The following ARHGAP6 variants were observed in gnomAD, a reference collection of about 807,000 sequenced individuals.
ARHGAP6 encodes rho GTPase-activating protein 6.
In ARHGAP6, 16 loss-of-function variants were observed where a neutral mutation model predicts 55.7. That is an observed-to-expected ratio of 0.29 (90% CI 0.19 to 0.44). The LOEUF (loss-of-function observed/expected upper bound fraction) is 0.44. Among genes scored for constraint, ARHGAP6 ranks in the 20% least tolerant of loss-of-function variants. The probability of loss-of-function intolerance (pLI) is 1.00; values close to 1 mark genes in which losing one functional copy is unlikely to be tolerated. For missense variants in ARHGAP6, 698 were observed against 808.9 expected, an observed-to-expected ratio of 0.86 and a Z score of 1.66; for synonymous variants, 382 against 360.9, an observed-to-expected ratio of 1.06 and a Z score of -0.66.
chrX:11,430,309 T>C (rs2049928885), intron 1 of ARHGAP6, among the ~76,000 whole-genome samples: 1 of 112,822 alleles, frequency 8.9e-6, no homozygotes, highest in Non-Finnish European at 1.9e-5. Flanking sequence ...ACTTCTGCCT[T>C]CTAGCATTAT....
In ARHGAP6 at chrX:11,582,243, T is replaced by C. The variant is rs376144456; in HGVS notation, c.588+81998A>G. ...ACCCAGGGAGTCTGAGAGCAGAAGC[T>C]GCACACAATCTCTCTGTCTTTGGAG... On this transcript the variant is annotated intron_variant, in intron 1 of 12. Coordinates refer to ENST00000337414, the MANE Select transcript of ARHGAP6 (RefSeq NM_013427.3). Among the ~76,000 whole-genome samples, 26 of 111,417 alleles carry C rather than the reference T, an allele frequency of 2.3e-4. No individual in the cohort carries two copies. In the East Asian group the frequency reaches 6.2e-3, roughly 27 times the overall value.
intron 1 of ARHGAP6, among the ~76,000 whole-genome samples, chrX:11,474,968 C>A (rs2050388960): frequency 9.0e-6 from 1 of 111,149 alleles, no homozygotes; most frequent in Non-Finnish European, 1.9e-5. Context: ...TGACACAGCA[C>A]AGAAGCCCAT....
At chrX:11,185,172 GTGTGTGTA>G (rs2046371062) in intron 5 of ARHGAP6, among the ~76,000 whole-genome samples, 1 of 109,457 alleles carries the variant, frequency 9.1e-6, no homozygotes, top group Non-Finnish European at 1.9e-5. Context: ...GTGTGTGTGT[GTGTGTGTA>G]TGTGTGTGTA....
intron 1 of ARHGAP6, among the ~76,000 whole-genome samples, chrX:11,575,623 G>T (rs1373518972): frequency 8.9e-6 from 1 of 111,944 alleles, no homozygotes; most frequent in Admixed American, 9.5e-5. Context: ...AGCACCTTTA[G>T]AATTAAAATG....
chrX:11,397,398 A>T (rs2049489593), intron 1 of ARHGAP6, among the ~76,000 whole-genome samples: 1 of 111,630 alleles, frequency 9.0e-6, no homozygotes, highest in Non-Finnish European at 1.9e-5. Context: ...TAACATATGC[A>T]TATATATGTG....
chrX:11,390,108 G>T (rs1018268085), intron 1 of ARHGAP6, among the ~76,000 whole-genome samples: 2 of 111,957 alleles, frequency 1.8e-5, no homozygotes, highest in African/African-American at 6.5e-5. Flanking sequence ...TTTGTATAAG[G>T]TATAAGGAAG....
intron 1 of ARHGAP6, among the ~76,000 whole-genome samples, chrX:11,567,566 A>AAAAAAAAAAAAAATATATATAT (rs1440758737): frequency 0.052 from 4,271 of 82,329 alleles, 307 homozygotes; most frequent in Non-Finnish European, 0.068. Flanking sequence ...AAAAAAAAAA[A>AAAAAAAAAAAAAATATATATAT]ATATATATAT....
Position 11,417,245 on chromosome X carries a change from C to A in ARHGAP6, c.589-162538G>T, listed in dbSNP as rs773651223. ...TAATCAATGGAGACAGGAATGTTTCCACCGTGCAGCAAGAACAGGAGGAAG... is the reference window on the plus strand; with the variant it reads ...TAATCAATGGAGACAGGAATGTTTCAACCGTGCAGCAAGAACAGGAGGAAG... On this transcript the variant is annotated intron_variant, in intron 1 of 12. Transcript: ENST00000337414. 3.9e-3 allele frequency among the ~76,000 whole-genome samples: 412 copies of A among 105,606 alleles called. 1 individual carries two copies. Among genetic ancestry groups the A allele is most frequent in the Middle Eastern group, 0.014 (3 of 209 alleles). The allele number at this position is 105,606 out of a possible 115,157, so 91.7% of individuals were successfully genotyped here.
chrX:11,356,762 T>G (rs1391278292), intron 1 of ARHGAP6, among the ~76,000 whole-genome samples: 1 of 112,064 alleles, frequency 8.9e-6, no homozygotes, highest in African/African-American at 3.2e-5. Context: ...ATAAAATATA[T>G]AGCATACATT....
At chrX:11,504,181 CCTT>C (rs1219489377) in intron 1 of ARHGAP6, among the ~76,000 whole-genome samples, 2 of 111,568 alleles carry the variant, frequency 1.8e-5, no homozygotes, top group African/African-American at 6.5e-5. Flanking sequence ...TGCTTCTGCT[CCTT>C]CTATTCTGTT....
At chrX:11,634,839 G>A (rs973760295) in intron 1 of ARHGAP6, among the ~76,000 whole-genome samples, 2 of 111,921 alleles carry the variant, frequency 1.8e-5, no homozygotes, top group Non-Finnish European at 3.8e-5. Context: ...GATTTTGTGG[G>A]TCAAGAATCC....
chrX:11,556,680 T>C (rs1187086903), intron 1 of ARHGAP6, among the ~76,000 whole-genome samples: 2 of 112,423 alleles, frequency 1.8e-5, no homozygotes, highest in Non-Finnish European at 3.8e-5. Flanking sequence ...TAACTGTAGC[T>C]AATTTTGTTA....
chrX:11,445,024 G>C (rs994661123), intron 1 of ARHGAP6, among the ~76,000 whole-genome samples: 1 of 112,375 alleles, frequency 8.9e-6, no homozygotes, highest in African/African-American at 3.2e-5. Flanking sequence ...CAGGAAGCCT[G>C]AGCCCAGCAA....
At chrX:11,491,695 G>A (rs929156054) in intron 1 of ARHGAP6, among the ~76,000 whole-genome samples, 14 of 111,527 alleles carry the variant, frequency 1.3e-4, no homozygotes, top group Non-Finnish European at 2.1e-4. Flanking sequence ...TGTCTTTATA[G>A]CAGCATGATT....
intron 2 of ARHGAP6, among the ~76,000 whole-genome samples, chrX:11,201,154 C>T (rs1020308364): frequency 8.9e-6 from 1 of 112,082 alleles, no homozygotes; most frequent in African/African-American, 3.2e-5. Context: ...TGCAGAAACG[C>T]ACTAATATGA....
chrX:11,625,696 A>T lies in ARHGAP6; in HGVS notation c.588+38545T>A, dbSNP rs73632653. ...AAAAGAGAAGATTTGAAATGTTCCCAACACAAATAAATGACAAATGTTTGA... is the reference window on the plus strand; with the variant it reads ...AAAAGAGAAGATTTGAAATGTTCCCTACACAAATAAATGACAAATGTTTGA... On this transcript the variant is annotated intron_variant, in intron 1 of 12. Transcript: ENST00000337414. Among the ~76,000 whole-genome samples the T allele has an allele frequency of 5.6e-3, 627 of 112,492 alleles. 5 individuals are homozygous for T. Among genetic ancestry groups the T allele is most frequent in the African/African-American group, 0.019 (603 of 31,017 alleles).
At chrX:11,348,999 A>G (rs2048822462) in intron 1 of ARHGAP6, among the ~76,000 whole-genome samples, 1 of 109,416 alleles carries the variant, frequency 9.1e-6, no homozygotes, top group African/African-American at 3.3e-5. Flanking sequence ...TCTTACTCTC[A>G]AATTGTATTA....
intron 1 of ARHGAP6, among the ~76,000 whole-genome samples, chrX:11,654,434 A>T (rs892941240): frequency 8.9e-6 from 1 of 111,979 alleles, no homozygotes; most frequent in Non-Finnish European, 1.9e-5. Context: ...AAAGATGAGG[A>T]GAGCTTCTCA....
intron 1 of ARHGAP6, among the ~76,000 whole-genome samples, chrX:11,548,854 C>A (rs1425935509): frequency 1.8e-5 from 2 of 111,809 alleles, no homozygotes; most frequent in African/African-American, 6.5e-5. Context: ...GGTGATCCAC[C>A]TGCCTCAGCC....
Sources: allele counts gnomAD v4.1 joint callset (sites outside exome capture counted in the v4.1 genomes callset), GRCh38; gene constraint gnomAD v4.1.1; transcripts MANE v1.5; gene names NCBI Gene and HGNC (gene_info 2026-07-23, HGNC 2026-07-21).